Variants in SLC22A15 observed in about 807,000 individuals in gnomAD.
SLC22A15 encodes flipt 1.
A neutral mutation model predicts 62.7 loss-of-function variants in SLC22A15; 45 were observed. That is an observed-to-expected ratio of 0.72 (90% CI 0.56 to 0.92). The LOEUF is 0.92. SLC22A15 is among the 40% of genes least tolerant of loss of function. The probability of loss-of-function intolerance (pLI) is 0.00; values close to 1 mark genes in which losing one functional copy is unlikely to be tolerated. For missense variants in SLC22A15, 622 were observed against 665.6 expected (o/e 0.93, Z 0.72); for synonymous variants, 264 against 267.0 (o/e 0.99, Z 0.11).
chr1:116,023,698 C>A (rs149684031), intron 4 of SLC22A15, among the ~76,000 whole-genome samples: 1 of 152,154 alleles, frequency 6.6e-6, no homozygotes, highest in African/African-American at 2.4e-5. Context: ...ATTAGAAGTA[C>A]AATGAAGAAA....
Position 116,069,676 on chromosome 1 carries a change from A to G in SLC22A15, c.*2568A>G, listed in dbSNP as rs551415877. The G allele has an allele frequency of 3.9e-5, 6 of 152,260 alleles. No individual in the cohort carries two copies. In the South Asian group the frequency reaches 1.2e-3, roughly 32 times the overall value. The allele number at this position is 152,260 out of a possible 1,614,324, so 9.4% of individuals were successfully genotyped here. A position where few individuals can be genotyped will look rare whatever the true frequency, so the allele number is the denominator to read the frequency against. The stretch of plus-strand genomic sequence containing the variant: ...CAGCCCAGTAAAACCAATACTTGTT[A>G]TTTGGCTACTTTCAAGCAATGCAGA... On this transcript the variant is annotated 3_prime_UTR_variant, in exon 12 of 12. Coordinates refer to ENST00000369503, the MANE Select transcript of SLC22A15 (RefSeq NM_018420.3).
chr1:116,066,028 C>T (rs1427287151), intron 10 of SLC22A15, among the ~76,000 whole-genome samples: 2 of 152,150 alleles, frequency 1.3e-5, no homozygotes, highest in Non-Finnish European at 2.9e-5. Context: ...AGTTTTTACA[C>T]CTTTAATCCC....
chr1:115,981,770 G>C (rs1360388065), intron 1 of SLC22A15, among the ~76,000 whole-genome samples: 1 of 152,154 alleles, frequency 6.6e-6, no homozygotes, highest in South Asian at 2.1e-4. Flanking sequence ...ACCCCCAGCC[G>C]AATGCCTTCC....
chr1:116,046,394 A>C (rs907843176), intron 8 of SLC22A15, among the ~76,000 whole-genome samples: 9 of 152,212 alleles, frequency 5.9e-5, no homozygotes, highest in African/African-American at 2.2e-4. Flanking sequence ...GGACTCTAAT[A>C]ATAAGGAAAA....
chr1:116,026,224 C>T (rs1416439664), intron 4 of SLC22A15, among the ~76,000 whole-genome samples: 2 of 149,290 alleles, frequency 1.3e-5, no homozygotes, highest in African/African-American at 5.0e-5. Flanking sequence ...CTAGCCTGGC[C>T]AAGATGGCGA....
intron 2 of SLC22A15, among the ~76,000 whole-genome samples, chr1:116,004,215 G>C (rs1557880788): frequency 6.6e-6 from 1 of 152,134 alleles, no homozygotes; most frequent in Non-Finnish European, 1.5e-5. Context: ...GGCAATACGT[G>C]TTGTCTCAGT....
chr1:116,008,691 T>C (rs1371683660), intron 2 of SLC22A15, among the ~76,000 whole-genome samples: 1 of 152,190 alleles, frequency 6.6e-6, no homozygotes, highest in Non-Finnish European at 1.5e-5. Flanking sequence ...GCAGAGTGAA[T>C]TCTAGGGGAG....
rs764761019 is a variant in SLC22A15, at chr1:116,066,644, A to G, written c.1490A>G (p.Gln497Arg). 1 of 1,612,718 alleles carries G rather than the reference A, an allele frequency of 6.2e-7. No individual in the cohort carries two copies. Among genetic ancestry groups the G allele is most frequent in the South Asian group, 1.1e-5 (1 of 90,712 alleles). The change falls in exon 11 of 12, where the codon CAG becomes CGG. Residue 497 changes from glutamine to arginine, a missense_variant. Transcript: ENST00000369503. ...CTGCTAGAAACATTCTCCGACCTTC[A>G]GGTGTATTCGTATCGCAGGCTGGGA... ...SPLLETFSDL[Q>R]VYSYRRLGEE...
intron 8 of SLC22A15, among the ~76,000 whole-genome samples, 181 bp from the exon 9 acceptor site, chr1:116,062,581 C>T (rs1486396045): frequency 1.3e-5 from 2 of 152,204 alleles, no homozygotes; most frequent in Non-Finnish European, 2.9e-5. Context: ...AGCCAAAACA[C>T]TGAGAAAATA....
intron 8 of SLC22A15, among the ~76,000 whole-genome samples, chr1:116,048,034 GA>G: frequency 6.6e-6 from 1 of 151,940 alleles, no homozygotes; most frequent in East Asian, 1.9e-4. Context: ...CAAAGACAAA[GA>G]AAAAAGAATA....
chr1:116,017,652 C>T (rs933723683), intron 2 of SLC22A15: 1 of 152,204 alleles, frequency 6.6e-6, no homozygotes, highest in African/African-American at 2.4e-5. Context: ...GTTAGATGTA[C>T]TTTGAGCCAT....
intron 7 of SLC22A15, 105 bp downstream of exon 7, chr1:116,035,432 G>T: frequency 1.1e-6 from 1 of 943,614 alleles, no homozygotes; most frequent in Non-Finnish European, 1.5e-6. Context: ...TTTGTATGCA[G>T]TATCAGCTGA....
chr1:115,994,998 A>G (rs1655349713), intron 2 of SLC22A15, among the ~76,000 whole-genome samples: 1 of 152,018 alleles, frequency 6.6e-6, no homozygotes, highest in Admixed American at 6.6e-5. Context: ...TTCTTTTATA[A>G]CATTGATATT....
Position 116,026,919 on chromosome 1 carries a change from G to C in SLC22A15, c.625G>C (p.Val209Leu). 3 of 1,613,672 alleles carry C rather than the reference G, an allele frequency of 1.9e-6. 1 individual carries two copies. The South Asian group carries it at 3.3e-5, about 18-fold the overall frequency. ...ATCGATTGGCGGCCTGTTCTTTGCA[G>C]TTGGCATTGCCCAATATGCCCTGTT... Reference protein sequence around the residue: ...AGSIGGLFFAVGIAQYALLGY... With the variant: ...AGSIGGLFFALGIAQYALLGY... Residue 209 changes from valine to leucine, a missense_variant, in exon 5 of 12, where the codon GTT (valine) becomes CTT (leucine). Coordinates refer to ENST00000369503, the MANE Select transcript of SLC22A15 (RefSeq NM_018420.3).
At chr1:116,051,882 A>G (rs535232967) in intron 8 of SLC22A15, among the ~76,000 whole-genome samples, 1 of 152,178 alleles carries the variant, frequency 6.6e-6, no homozygotes, top group Non-Finnish European at 1.5e-5. Context: ...AGTCCTGGGT[A>G]TGTCTTTATC....
At chr1:116,043,996 G>A (rs1047592155) in intron 8 of SLC22A15, among the ~76,000 whole-genome samples, 5 of 152,130 alleles carry the variant, frequency 3.3e-5, no homozygotes, top group African/African-American at 1.2e-4. Context: ...GGCCCAGATG[G>A]CTTTACTGGT....
At chr1:116,024,908 C>T (rs1001378808) in intron 4 of SLC22A15, among the ~76,000 whole-genome samples, 1 of 152,044 alleles carries the variant, frequency 6.6e-6, no homozygotes, top group Admixed American at 6.6e-5. Context: ...GAAGTCGGTT[C>T]TCCAACAGTG....
intron 8 of SLC22A15, among the ~76,000 whole-genome samples, chr1:116,056,321 TA>T (rs1658206675): frequency 7.1e-6 from 1 of 141,426 alleles, no homozygotes; most frequent in Admixed American, 7.1e-5. Context: ...TTAAAGAGAA[TA>T]AAATACTTAG....
chr1:116,013,743 A>T (rs1656393549), intron 2 of SLC22A15: 1 of 152,180 alleles, frequency 6.6e-6, no homozygotes, highest in Admixed American at 6.5e-5. Context: ...TTTAAGAGAG[A>T]TGCTAAAGAT....
Sources: allele counts gnomAD v4.1 joint callset (sites outside exome capture counted in the v4.1 genomes callset), GRCh38; gene constraint gnomAD v4.1.1; transcripts MANE v1.5; gene names NCBI Gene and HGNC (gene_info 2026-07-23, HGNC 2026-07-21).